The following PRKAR2A variants were observed in gnomAD, a reference collection of about 807,000 sequenced individuals.
PRKAR2A encodes cAMP-dependent protein kinase type II-alpha regulatory subunit.
A neutral mutation model predicts 51.9 loss-of-function variants in PRKAR2A; 29 were observed. The observed-to-expected ratio is 0.56, with a 90% CI of 0.42 to 0.76. The LOEUF (loss-of-function observed/expected upper bound fraction) is 0.76. Among genes scored for constraint, PRKAR2A ranks in the 30% least tolerant of loss-of-function variants. The pLI is 0.00. For synonymous variants in PRKAR2A, 178 were observed against 186.2 expected, an observed-to-expected ratio of 0.96 and a Z score of 0.36; for missense variants, 445 against 512.1, an observed-to-expected ratio of 0.87 and a Z score of 1.26.
At chr3:48,760,189 T>C (rs2081842325) in intron 8 of PRKAR2A, among the ~76,000 whole-genome samples, 1 of 151,930 alleles carries the variant, frequency 6.6e-6, no homozygotes, top group African/African-American at 2.4e-5. Context: ...CCCTGTTCTC[T>C]ACTAAAAATA....
intron 1 of PRKAR2A, among the ~76,000 whole-genome samples, chr3:48,823,813 C>G (rs2083011377): frequency 6.7e-6 from 1 of 149,866 alleles, no homozygotes; most frequent in African/African-American, 2.4e-5. Flanking sequence ...GAAAAAAAAT[C>G]TTCTACCAGA....
At chr3:48,839,820 T>C (rs1307824650) in intron 1 of PRKAR2A, among the ~76,000 whole-genome samples, 1 of 152,216 alleles carries the variant, frequency 6.6e-6, no homozygotes, top group African/African-American at 2.4e-5. Context: ...AGACTTATTC[T>C]AATGTCATTG....
At chr3:48,769,077 A>G (rs1271053588) in intron 6 of PRKAR2A, among the ~76,000 whole-genome samples, 1 of 151,824 alleles carries the variant, frequency 6.6e-6, no homozygotes, top group Non-Finnish European at 1.5e-5. Context: ...TCCAGCCTGG[A>G]TGACAGAGCA....
At chr3:48,777,753 T>C (rs1400963448) in intron 5 of PRKAR2A, among the ~76,000 whole-genome samples, 1 of 152,110 alleles carries the variant, frequency 6.6e-6, no homozygotes, top group African/African-American at 2.4e-5. Flanking sequence ...TCCAACTGTC[T>C]GACAAAATCA....
At chr3:48,798,663 A>ATTTTTTTT (rs35860456) in intron 2 of PRKAR2A, among the ~76,000 whole-genome samples, 1 of 138,780 alleles carries the variant, frequency 7.2e-6, no homozygotes, top group Non-Finnish European at 1.6e-5. Flanking sequence ...TTCCTTTTTA[A>ATTTTTTTT]TTTTTTTTTT....
At position 48,751,549 on chromosome 3, in the gene PRKAR2A, G is replaced by A. The variant is rs1460403397; in HGVS notation, c.*36C>T. On this transcript the variant is annotated 3_prime_UTR_variant, in exon 11 of 11. Transcript: ENST00000265563. ...GTTCTGTGGCTGACCAGAAGGTTTT[G>A]GTGTCACACTAAGAAGGCTCTGGGG... 1.9e-6 allele frequency: 3 copies of A among 1,603,198 alleles called. No homozygotes were observed. The highest frequency in any genetic ancestry group is 2.2e-5 in the East Asian group (1 of 44,622).
rs773904283 is a variant in PRKAR2A at position 48,752,149 on chromosome 3, T to C, written c.1081+27A>G. ...AAAATATTACATGTTAGAAAAAGAA[T>C]ATTAATGCATAAAGAACTTTTCTTA... On this transcript the variant is annotated intron_variant, in intron 10 of 10. Coordinates refer to ENST00000265563, the MANE Select transcript of PRKAR2A (RefSeq NM_004157.4). The C allele has an allele frequency of 6.3e-6, 10 of 1,593,878 alleles. No homozygotes were observed. The East Asian group carries it at 2.0e-4, about 32-fold the overall frequency.
At chr3:48,791,285 TAAAAAAAAA>T (rs35380085) in intron 3 of PRKAR2A, among the ~76,000 whole-genome samples, 6 of 43,748 alleles carry the variant, frequency 1.4e-4, no homozygotes, top group Non-Finnish European at 2.1e-4. Context: ...GATTCCATCT[TAAAAAAAAA>T]AAAAAAAAAA....
chr3:48,757,110 A>G (rs1412877965), intron 8 of PRKAR2A, among the ~76,000 whole-genome samples: 1 of 152,204 alleles, frequency 6.6e-6, no homozygotes, highest in Non-Finnish European at 1.5e-5. Context: ...ATGAACAGCC[A>G]TGAAAGAAAC....
At chr3:48,789,705 T>C (rs1169871831) in intron 4 of PRKAR2A, among the ~76,000 whole-genome samples, 1 of 151,834 alleles carries the variant, frequency 6.6e-6, no homozygotes, top group Non-Finnish European at 1.5e-5. Context: ...GCCAGGCTGG[T>C]CTTGAACTCC....
chr3:48,840,449 G>A (rs926960653), intron 1 of PRKAR2A, among the ~76,000 whole-genome samples: 4 of 151,524 alleles, frequency 2.6e-5, no homozygotes, highest in Non-Finnish European at 4.4e-5. Flanking sequence ...GAGCAGGATC[G>A]TGCCACTGCA....
At chr3:48,762,659 G>A (rs1211137268) in intron 8 of PRKAR2A, among the ~76,000 whole-genome samples, 1 of 152,032 alleles carries the variant, frequency 6.6e-6, no homozygotes, top group Non-Finnish European at 1.5e-5. Flanking sequence ...GTAATGGGAG[G>A]CTGAGGCAAG....
chr3:48,846,319 G>A (rs1453625328), intron 1 of PRKAR2A, among the ~76,000 whole-genome samples: 1 of 151,314 alleles, frequency 6.6e-6, no homozygotes, highest in Non-Finnish European at 1.5e-5. Context: ...AGGTTCAAGC[G>A]ATTCTCCCTG....
At chr3:48,746,071 A>T (rs1188157947), downstream of PRKAR2A, among the ~76,000 whole-genome samples, 4 of 152,102 alleles carry the variant, frequency 2.6e-5, no homozygotes, top group Non-Finnish European at 5.9e-5. Context: ...TTTGGACAAG[A>T]ACAACAACAT....
At chr3:48,763,219 C>A (rs555259045) in intron 8 of PRKAR2A, among the ~76,000 whole-genome samples, 1 of 152,268 alleles carries the variant, frequency 6.6e-6, no homozygotes, top group South Asian at 2.1e-4. Flanking sequence ...TTCTAACATC[C>A]TCAGATGATG....
At position 48,751,658 on chromosome 3, in the gene PRKAR2A, T is replaced by C; in HGVS notation, c.1142A>G (p.Asn381Ser). 6.2e-7 allele frequency: 1 copy of C among 1,614,080 alleles called. No homozygotes were observed. Among genetic ancestry groups the C allele is most frequent in the African/African-American group, 1.3e-5 (1 of 75,054 alleles). The change falls in exon 11 of 11, where the codon AAC (asparagine) becomes AGC (serine). Residue 381 changes from asparagine (N) to serine (S), a missense_variant. Asn to Ser is a conservative substitution (Grantham distance 46). Coordinates refer to ENST00000265563, the MANE Select transcript of PRKAR2A (RefSeq NM_004157.4). ...LGPCMDIMKRNISHYEEQLVK... is the reference protein window; with the variant it reads ...LGPCMDIMKRSISHYEEQLVK... ...CAGCTGTTCCTCATAGTGTGAGATG[T>C]TCCTCTTCATGATGTCCATGCAGGG... is the stretch of plus-strand genomic sequence containing the variant.
chr3:48,768,356 GAGAC>G (rs777794350), intron 6 of PRKAR2A, among the ~76,000 whole-genome samples: 78 of 149,884 alleles, frequency 5.2e-4, no homozygotes, highest in South Asian at 1.5e-3. Context: ...GACAGACAGA[GAGAC>G]AGACAGACAG....
In PRKAR2A at chr3:48,750,266, G is replaced by A. The variant is rs1404400379; in HGVS notation, c.*1319C>T. On this transcript the variant is annotated 3_prime_UTR_variant, in exon 11 of 11. Coordinates refer to ENST00000265563, the MANE Select transcript of PRKAR2A (RefSeq NM_004157.4). ...TAATCCCAGCTACTCAGGAGGTTGAGGCAGGAGAATCACTTTAATCTGGGA... is the reference window on the plus strand; with the variant it reads ...TAATCCCAGCTACTCAGGAGGTTGAAGCAGGAGAATCACTTTAATCTGGGA... The A allele has an allele frequency of 2.0e-5, 3 of 152,162 alleles. No individual in the cohort carries two copies. The allele number at this position is 152,162 out of a possible 1,614,324, so 9.4% of individuals were successfully genotyped here. A position where few individuals can be genotyped will look rare whatever the true frequency, so the allele number is the denominator to read the frequency against.
chr3:48,767,735 T>C (rs2081962148), intron 6 of PRKAR2A, among the ~76,000 whole-genome samples: 1 of 149,992 alleles, frequency 6.7e-6, no homozygotes, highest in African/African-American at 2.5e-5. Flanking sequence ...CCATCCTGGC[T>C]AACACAATGA....
Sources: gnomAD v4.1 joint callset for allele counts (sites outside exome capture counted in the v4.1 genomes callset) on GRCh38, gnomAD v4.1.1 for gene constraint, MANE v1.5 for transcripts, NCBI Gene and HGNC (gene_info 2026-07-23, HGNC 2026-07-21) for gene names.